Variants in RBFOX1 observed in about 807,000 individuals in gnomAD.
RBFOX1 encodes the protein RNA binding fox-1 homolog 1, also known as RNA binding protein fox-1 homolog 1.
In RBFOX1, 8 loss-of-function variants were observed where a neutral mutation model predicts 57.7. The observed-to-expected ratio is 0.14, with a 90% CI of 0.08 to 0.25. The LOEUF is 0.25. Ranked by LOEUF, RBFOX1 falls within the 10% of genes least tolerant of loss-of-function variation. RBFOX1 has a pLI of 1.00. For missense variants in RBFOX1, 611 were observed against 548.5 expected (o/e 1.11, Z -1.14); for synonymous variants, 326 against 222.4 (o/e 1.47, Z -4.15).
intron 14 of RBFOX1, among the ~76,000 whole-genome samples, chr16:7,695,867 G>C (rs971594036): frequency 3.3e-5 from 5 of 152,094 alleles, no homozygotes; most frequent in African/African-American, 1.2e-4. Flanking sequence ...TGTGGGGTTT[G>C]ATGGATGTTA....
At chr16:5,842,337 A>G (rs1180124470) in intron 3 of RBFOX1, among the ~76,000 whole-genome samples, 1 of 152,134 alleles carries the variant, frequency 6.6e-6, no homozygotes, top group Non-Finnish European at 1.5e-5. Flanking sequence ...TGCTTCTGGC[A>G]GGAGGGTTTA....
chr16:5,735,709 C>T (rs1051156811), intron 3 of RBFOX1, among the ~76,000 whole-genome samples: 1 of 152,066 alleles, frequency 6.6e-6, no homozygotes. Context: ...CCACCCTGGT[C>T]AACATGGTGA....
At chr16:6,643,773 G>A (rs1279411311) in intron 2 of RBFOX1, among the ~76,000 whole-genome samples, 1 of 151,984 alleles carries the variant, frequency 6.6e-6, no homozygotes, top group Non-Finnish European at 1.5e-5. Context: ...GAAACACTGG[G>A]CAAAAGGGTC....
At chr16:5,840,440 G>C (rs191704953) in intron 3 of RBFOX1, among the ~76,000 whole-genome samples, 2 of 152,174 alleles carry the variant, frequency 1.3e-5, no homozygotes, top group Non-Finnish European at 2.9e-5. Flanking sequence ...TGTGCTCTGC[G>C]GGGTAGAAAG....
intron 4 of RBFOX1, among the ~76,000 whole-genome samples, chr16:5,871,278 A>C (rs969205462): frequency 1.2e-4 from 18 of 152,334 alleles, no homozygotes; most frequent in African/African-American, 4.1e-4. Flanking sequence ...TGCTAGCCGC[A>C]AAGCACCTGG....
intron 4 of RBFOX1, among the ~76,000 whole-genome samples, chr16:7,161,115 G>A (rs1292624951): frequency 6.6e-6 from 1 of 151,532 alleles, no homozygotes; most frequent in Admixed American, 6.6e-5. Flanking sequence ...TTTACATCAA[G>A]ACCAACCTCT....
intron 14 of RBFOX1, among the ~76,000 whole-genome samples, chr16:7,687,393 C>G (rs2076293234): frequency 6.6e-6 from 1 of 151,946 alleles, no homozygotes; most frequent in East Asian, 1.9e-4. Context: ...CCAAGATACT[C>G]CAGTGATTTA....
chr16:7,672,865 C>CAGAAAAAA (rs2071962309), intron 13 of RBFOX1, among the ~76,000 whole-genome samples: 1 of 42,890 alleles, frequency 2.3e-5, no homozygotes, highest in South Asian at 2.0e-3. Flanking sequence ...GACTCCATCT[C>CAGAAAAAA]AAAAAAAAAA....
At chr16:5,493,312 C>T (rs115586185) in intron 2 of RBFOX1, among the ~76,000 whole-genome samples, 2,935 of 152,242 alleles carry the variant, frequency 0.019, 104 homozygotes, top group African/African-American at 0.067. Flanking sequence ...CCTCAAGCAA[C>T]CCTCCCACCT....
chr16:6,955,365 C>CACACACAG (rs1171530437), intron 3 of RBFOX1, among the ~76,000 whole-genome samples: 1 of 151,842 alleles, frequency 6.6e-6, no homozygotes, highest in African/African-American at 2.4e-5. Context: ...CACACACACA[C>CACACACAG]ACACACACGT....
At chr16:5,891,704 C>T (rs1213690871) in intron 4 of RBFOX1, among the ~76,000 whole-genome samples, 1 of 152,096 alleles carries the variant, frequency 6.6e-6, no homozygotes, top group Admixed American at 6.5e-5. Context: ...AAGGGATCCA[C>T]CTGGGGAGAA....
chr16:6,640,782 G>A (rs1314048319), intron 2 of RBFOX1, among the ~76,000 whole-genome samples: 1 of 152,086 alleles, frequency 6.6e-6, no homozygotes, highest in Admixed American at 6.6e-5. Context: ...TTTTCCTTCA[G>A]TTGGCCTTGA....
intron 3 of RBFOX1, among the ~76,000 whole-genome samples, chr16:5,822,983 C>T (rs181056503): frequency 2.0e-4 from 30 of 152,330 alleles, no homozygotes; most frequent in Middle Eastern, 6.8e-3. Flanking sequence ...GGTCTTAGGG[C>T]ACCAAGCTGT....
chr16:5,401,911 T>C lies in RBFOX1; in HGVS notation c.220-65305T>C, dbSNP rs373398283. ...TGTCTCTCTTTCTTTTCTCTATTTTTACTGCTGTTGGGAATAGAATTCTCC... is the reference window on the plus strand; with the variant it reads ...TGTCTCTCTTTCTTTTCTCTATTTTCACTGCTGTTGGGAATAGAATTCTCC... On this transcript the variant is annotated intron_variant, in intron 1 of 2. Coordinates refer to the RBFOX1 transcript ENST00000585867. 3.3e-5 allele frequency among the ~76,000 whole-genome samples: 5 copies of C among 152,152 alleles called. No individual in the cohort carries two copies. In the East Asian group the frequency reaches 5.8e-4, roughly 18 times the overall value.
intron 1 of RBFOX1, among the ~76,000 whole-genome samples, chr16:5,261,333 AT>A (rs2062726403): frequency 6.6e-6 from 1 of 151,932 alleles, no homozygotes; most frequent in Admixed American, 6.6e-5. Flanking sequence ...CAAGTTGCTT[AT>A]TTTTTAATTT....
At chr16:5,511,464 G>A (rs542255675) in intron 2 of RBFOX1, among the ~76,000 whole-genome samples, 2 of 152,192 alleles carry the variant, frequency 1.3e-5, no homozygotes, top group South Asian at 2.1e-4. Flanking sequence ...TCAGATAATA[G>A]CTATTGTTTA....
rs532784889 is a variant in RBFOX1 at position 6,021,397 on chromosome 16, G to C, written c.-127+1405G>C. Among the ~76,000 whole-genome samples, 13 of 152,232 alleles carry C rather than the reference G, an allele frequency of 8.5e-5. No homozygotes were observed. In the East Asian group the frequency reaches 2.5e-3, roughly 29 times the overall value. On this transcript the variant is annotated intron_variant, in intron 1 of 15. Transcript: ENST00000550418. The stretch of plus-strand genomic sequence containing the variant: ...GGGCCTGGATTCTTTCAATTTTTAA[G>C]TGACCACAGAGGCCCCGGCTGGAGC...
chr16:6,714,556 G>C (rs1343501729), intron 3 of RBFOX1, among the ~76,000 whole-genome samples: 1 of 152,144 alleles, frequency 6.6e-6, no homozygotes, highest in Non-Finnish European at 1.5e-5. Flanking sequence ...TTAGTCATTG[G>C]TAGAGGGGTT....
intron 4 of RBFOX1, among the ~76,000 whole-genome samples, chr16:7,395,532 C>G (rs548304576): frequency 3.3e-5 from 5 of 152,130 alleles, no homozygotes; most frequent in African/African-American, 1.2e-4. Context: ...TCTTGAGTTA[C>G]AAAGAAGCAG....
Sources: allele counts gnomAD v4.1 joint callset (sites outside exome capture counted in the v4.1 genomes callset), GRCh38; gene constraint gnomAD v4.1.1; transcripts MANE v1.5; gene names NCBI Gene and HGNC (gene_info 2026-07-23, HGNC 2026-07-21).